TNIK: variants seen among roughly 807,000 people sequenced by gnomAD.
TNIK encodes the protein TRAF2 and NCK-interacting protein kinase.
A neutral mutation model predicts 191.3 loss-of-function variants in TNIK; 49 were observed. That is an observed-to-expected ratio of 0.26 (90% CI 0.20 to 0.32). TNIK has a LOEUF of 0.32. Among genes scored for constraint, TNIK ranks in the 10% least tolerant of loss-of-function variants. The pLI, the probability that TNIK is intolerant of heterozygous loss-of-function variation, is 1.00. For missense variants in TNIK, 1,155 were observed against 1,702.3 expected, an observed-to-expected ratio of 0.68 and a Z score of 5.66; for synonymous variants, 594 against 600.9, an observed-to-expected ratio of 0.99 and a Z score of 0.17.
intron 30 of TNIK, among the ~76,000 whole-genome samples, chr3:171,067,832 C>T (rs61791141): frequency 0.091 from 13,886 of 152,228 alleles, 712 homozygotes; most frequent in Middle Eastern, 0.13. Context: ...ATCATAGTTA[C>T]ACCTTAGCTG....
intron 15 of TNIK, among the ~76,000 whole-genome samples, chr3:171,135,393 A>C (rs1443029522): frequency 6.6e-6 from 1 of 152,178 alleles, no homozygotes; most frequent in Non-Finnish European, 1.5e-5. Context: ...GACTCAAACC[A>C]AGGCAGACAA....
At chr3:171,419,156 A>G (rs573688817) in intron 1 of TNIK, among the ~76,000 whole-genome samples, 8 of 152,348 alleles carry the variant, frequency 5.3e-5, no homozygotes, top group African/African-American at 1.9e-4. Context: ...GGGCTTCAAC[A>G]TATGAATTTA....
At chr3:171,268,465 C>T (rs1055939676) in intron 2 of TNIK, among the ~76,000 whole-genome samples, 2 of 152,182 alleles carry the variant, frequency 1.3e-5, no homozygotes, top group African/African-American at 4.8e-5. Context: ...GGCTTTAAAT[C>T]TCCACCCTGC....
Position 171,095,299 on chromosome 3 carries a change from G to A in TNIK, c.2592-1331C>T, listed in dbSNP as rs77476138. Among the ~76,000 whole-genome samples, 1,053 of 152,252 alleles carry A rather than the reference G, an allele frequency of 6.9e-3. 10 individuals carry two copies. Among genetic ancestry groups the A allele is most frequent in the African/African-American group, 0.024 (1,007 of 41,538 alleles). On this transcript the variant is annotated intron_variant, in intron 22 of 32. Transcript: ENST00000436636. ...TCACTCTATCAGGAGTGCCTCATTTGCATGACACAGAATTTCTCTGGTTTA... is the reference window on the plus strand; with the variant it reads ...TCACTCTATCAGGAGTGCCTCATTTACATGACACAGAATTTCTCTGGTTTA...
chr3:171,317,441 C>T (rs1754756753), intron 2 of TNIK, among the ~76,000 whole-genome samples: 2 of 152,126 alleles, frequency 1.3e-5, no homozygotes, highest in Non-Finnish European at 2.9e-5. Context: ...AATGGAGAGA[C>T]ATGTACTATG....
At chr3:171,450,030 C>A (rs1051045299) in intron 1 of TNIK, among the ~76,000 whole-genome samples, 1 of 151,896 alleles carries the variant, frequency 6.6e-6, no homozygotes, top group Non-Finnish European at 1.5e-5. Context: ...AGTGAGACTC[C>A]GTCTCAAACA....
intron 1 of TNIK, among the ~76,000 whole-genome samples, chr3:171,421,245 T>C (rs1419979300): frequency 6.6e-6 from 1 of 152,212 alleles, no homozygotes; most frequent in Non-Finnish European, 1.5e-5. Flanking sequence ...AAACAAGATG[T>C]AGAAACTGCC....
intron 2 of TNIK, among the ~76,000 whole-genome samples, chr3:171,324,345 G>T (rs1010315094): frequency 7.2e-5 from 11 of 152,126 alleles, no homozygotes; most frequent in African/African-American, 2.2e-4. Flanking sequence ...GGTATCCGAT[G>T]TTCCTGTTGA....
At chr3:171,098,829 C>T (rs1723065835) in intron 22 of TNIK, among the ~76,000 whole-genome samples, 3 of 152,130 alleles carry the variant, frequency 2.0e-5, no homozygotes, top group Admixed American at 2.0e-4. Flanking sequence ...TATGAAATTT[C>T]TCAGGCATGC....
chr3:171,417,000 A>G (rs1276067144), intron 1 of TNIK, among the ~76,000 whole-genome samples: 1 of 152,188 alleles, frequency 6.6e-6, no homozygotes, highest in Non-Finnish European at 1.5e-5. Flanking sequence ...TGAATTTTCG[A>G]AATTACTGTA....
intron 1 of TNIK, among the ~76,000 whole-genome samples, chr3:171,409,253 T>G (rs1722096846): frequency 6.6e-6 from 1 of 152,124 alleles, no homozygotes; most frequent in Non-Finnish European, 1.5e-5. Context: ...GGTAGTAAGA[T>G]AAAGAAAAAC....
At chr3:171,073,503 AAAAC>A (rs1225167225) in intron 28 of TNIK, among the ~76,000 whole-genome samples, 1 of 152,190 alleles carries the variant, frequency 6.6e-6, no homozygotes, top group Non-Finnish European at 1.5e-5. Flanking sequence ...AAATGCAACA[AAAAC>A]AAAAAAAGAC....
intron 2 of TNIK, among the ~76,000 whole-genome samples, chr3:171,259,240 G>C (rs1437653489): frequency 6.6e-6 from 1 of 152,164 alleles, no homozygotes; most frequent in African/African-American, 2.4e-5. Context: ...CAAAAAGTTG[G>C]AAGGACAGAC....
At chr3:171,230,328 T>C (rs1009136256) in intron 2 of TNIK, among the ~76,000 whole-genome samples, 8 of 152,202 alleles carry the variant, frequency 5.3e-5, no homozygotes, top group African/African-American at 1.7e-4. Context: ...CTATAAATCA[T>C]GTCTTAAATA....
At chr3:171,168,254 G>A (rs994163875) in intron 9 of TNIK, among the ~76,000 whole-genome samples, 5 of 152,144 alleles carry the variant, frequency 3.3e-5, no homozygotes, top group African/African-American at 1.2e-4. Context: ...CTTTTCCAAG[G>A]CACTCCAGGA....
intron 11 of TNIK, 113 bp from the exon 12 acceptor site, chr3:171,157,777 G>C: frequency 9.2e-7 from 1 of 1,084,732 alleles, no homozygotes; most frequent in Non-Finnish European, 1.3e-6. Flanking sequence ...AGGGAAAGAA[G>C]AGCACAGGCT....
rs114087168 is a variant in TNIK at position 171,226,813 on chromosome 3, C to T, written c.180+1352G>A. ...AAGTCAGTACAATGTGTGGTGTAAA[C>T]AATAATTAGTGAAACGTGTATTATG... is the stretch of plus-strand genomic sequence containing the variant. On this transcript the variant is annotated intron_variant, in intron 3 of 32. Transcript: ENST00000436636. Among the ~76,000 whole-genome samples the T allele has an allele frequency of 6.8e-3, 1,030 of 152,084 alleles. 11 individuals are homozygous for T. Among genetic ancestry groups the T allele is most frequent in the Non-Finnish European group, 9.6e-3 (652 of 67,962 alleles).
At chr3:171,339,863 T>G (rs1483502415) in intron 2 of TNIK, among the ~76,000 whole-genome samples, 1 of 152,226 alleles carries the variant, frequency 6.6e-6, no homozygotes, top group African/African-American at 2.4e-5. Context: ...CACCAGCTCA[T>G]GGGCCGGTTT....
At chr3:171,286,192 T>C (rs975307490) in intron 2 of TNIK, among the ~76,000 whole-genome samples, 1 of 152,198 alleles carries the variant, frequency 6.6e-6, no homozygotes, top group Admixed American at 6.5e-5. Flanking sequence ...TTAGCTATTA[T>C]ACTTTAAAAA....
Sources: allele counts gnomAD v4.1 joint callset (sites outside exome capture counted in the v4.1 genomes callset), GRCh38; gene constraint gnomAD v4.1.1; transcripts MANE v1.5; gene names NCBI Gene and HGNC (gene_info 2026-07-23, HGNC 2026-07-21).